The following IL7 variants were observed in gnomAD, a reference collection of about 807,000 sequenced individuals.
IL7 encodes interleukin 7.
In IL7, 3 loss-of-function variants were observed where a neutral mutation model predicts 21.6. The ratio of observed to expected loss-of-function variants is 0.14; its 90% CI spans 0.06 to 0.36. The LOEUF is 0.36. IL7 is among the 10% of genes least tolerant of loss of function. IL7 has a pLI of 1.00. For synonymous variants in IL7, 62 were observed against 68.1 expected, an observed-to-expected ratio of 0.91 and a Z score of 0.44; for missense variants, 175 against 200.2, an observed-to-expected ratio of 0.87 and a Z score of 0.76.
rs565101344 is a variant in IL7 at position 78,795,414 on chromosome 8, G to A, written c.147+2658C>T. Among the ~76,000 whole-genome samples, 25 of 152,150 alleles carry A rather than the reference G, an allele frequency of 1.6e-4. No homozygotes were observed. The South Asian group carries it at 4.6e-3, about 28-fold the overall frequency. On this transcript the variant is annotated intron_variant, in intron 2 of 5. Coordinates refer to ENST00000263851, the MANE Select transcript of IL7 (RefSeq NM_000880.4). The stretch of plus-strand genomic sequence containing the variant: ...CTACTCAGTTGGACTGATTAGCTGT[G>A]TTCTCTTCCATGTCTTGTGAATTAA...
chr8:78,727,083 G>A (rs537806654), intron 3 of IL7, among the ~76,000 whole-genome samples: 1 of 151,928 alleles, frequency 6.6e-6, no homozygotes, highest in African/African-American at 2.4e-5. Flanking sequence ...ACATCTGTGG[G>A]CCTCTATGCC....
intron 2 of IL7, among the ~76,000 whole-genome samples, chr8:78,757,199 A>C (rs1191336904): frequency 6.6e-6 from 1 of 151,776 alleles, no homozygotes; most frequent in Non-Finnish European, 1.5e-5. Context: ...CAGTTTCCAA[A>C]ATTTCTCTTA....
At chr8:78,731,405 G>A (rs1238995475), downstream of IL7, among the ~76,000 whole-genome samples, 3 of 151,844 alleles carry the variant, frequency 2.0e-5, no homozygotes, top group East Asian at 5.8e-4. Flanking sequence ...TTTTAGAAAT[G>A]CTATATTACT....
At chr8:78,741,931 C>G (rs1239562901) in intron 2 of IL7, among the ~76,000 whole-genome samples, 1 of 152,162 alleles carries the variant, frequency 6.6e-6, no homozygotes, top group East Asian at 1.9e-4. Flanking sequence ...AGATGGCCAT[C>G]TTTTGATTTA....
At chr8:78,695,719 T>G (rs943015881) in intron 3 of IL7, among the ~76,000 whole-genome samples, 7 of 152,200 alleles carry the variant, frequency 4.6e-5, no homozygotes, top group Non-Finnish European at 7.3e-5. Context: ...TTTTAAAAAA[T>G]CAGTATCATT....
chr8:78,770,770 C>G (rs558166143), intron 2 of IL7, among the ~76,000 whole-genome samples: 1 of 151,996 alleles, frequency 6.6e-6, no homozygotes, highest in African/African-American at 2.4e-5. Context: ...CAAATTATTT[C>G]CTTTTGCTTT....
intron 3 of IL7, among the ~76,000 whole-genome samples, chr8:78,704,165 TGA>T (rs1287416414): frequency 1.3e-5 from 2 of 152,080 alleles, no homozygotes; most frequent in Non-Finnish European, 2.9e-5. Context: ...GCGGATCACC[TGA>T]GGTCAGGAGT....
chr8:78,784,567 A>T lies in IL7; in HGVS notation c.147+13505T>A, dbSNP rs191088830. The stretch of plus-strand genomic sequence containing the variant: ...TTAAAATAACATTTAAGTTTTTTTT[A>T]ATGTAAACTATGTTCATTCACTCAG... On this transcript the variant is annotated intron_variant, in intron 2 of 5. Coordinates refer to ENST00000263851, the MANE Select transcript of IL7 (RefSeq NM_000880.4). 2.8e-3 allele frequency among the ~76,000 whole-genome samples: 429 copies of T among 152,216 alleles called. 2 individuals carry two copies. Among genetic ancestry groups the T allele is most frequent in the South Asian group, 7.5e-3 (36 of 4,822 alleles).
chr8:78,683,389 T>C (rs1809853615), intron 4 of IL7, among the ~76,000 whole-genome samples: 2 of 152,244 alleles, frequency 1.3e-5, no homozygotes, highest in South Asian at 4.1e-4. Context: ...ACCTCAACTC[T>C]TGATTTCTGT....
At position 78,678,422 on chromosome 8, in the gene IL7, G is replaced by C. The variant is rs868461608; in HGVS notation, n.274-2318C>G. ...ACTTAACATTTGGTTAAGGCAAGGT[G>C]TATCTTATTTATTTATTATTTTGTA... On this transcript the variant is annotated intron_variant and non_coding_transcript_variant, in intron 4 of 4. Coordinates refer to the IL7 transcript ENST00000523959. 4 of 649,768 alleles carry C rather than the reference G, an allele frequency of 6.2e-6. No homozygotes were observed. In the African/African-American group the frequency reaches 7.4e-5, roughly 12 times the overall value. 40.3% of individuals were successfully genotyped at this position (649,768 alleles called of 1,614,324 possible).
At position 78,721,222 on chromosome 8, in the gene IL7, G is replaced by A. The variant is rs537453751; in HGVS notation, n.361-87C>T. The A allele has an allele frequency of 2.8e-4, 42 of 152,112 alleles. 1 individual carries two copies. The highest frequency in any genetic ancestry group is 9.6e-4 in the African/African-American group (40 of 41,544). The allele number at this position is 152,112 out of a possible 1,614,324, so 9.4% of individuals were successfully genotyped here. ...TATCATGAAGATACCAAAAAGTGCGGCAGAAATATTAAAGAGGGAGCTTCT... is the reference window on the plus strand; with the variant it reads ...TATCATGAAGATACCAAAAAGTGCGACAGAAATATTAAAGAGGGAGCTTCT... On this transcript the variant is annotated intron_variant and non_coding_transcript_variant, in intron 4 of 6. Coordinates refer to the IL7 transcript ENST00000519833.
At chr8:78,781,814 T>G (rs970906540) in intron 2 of IL7, among the ~76,000 whole-genome samples, 1 of 152,194 alleles carries the variant, frequency 6.6e-6, no homozygotes, top group African/African-American at 2.4e-5. Context: ...AAAGCATGTT[T>G]TCCAAGTTAG....
At chr8:78,765,241 T>C (rs776982987) in intron 2 of IL7, among the ~76,000 whole-genome samples, 1 of 151,982 alleles carries the variant, frequency 6.6e-6, no homozygotes. Flanking sequence ...GAGAATGACA[T>C]AGGAGAAATT....
intron 2 of IL7, among the ~76,000 whole-genome samples, chr8:78,741,820 T>C (rs191835772): frequency 6.6e-6 from 1 of 152,320 alleles, no homozygotes; most frequent in East Asian, 1.9e-4. Context: ...ATCTATATGA[T>C]TGCCAATTAC....
intron 3 of IL7, among the ~76,000 whole-genome samples, chr8:78,693,092 T>C (rs1810267732): frequency 6.6e-6 from 1 of 152,112 alleles, no homozygotes; most frequent in Non-Finnish European, 1.5e-5. Context: ...TAGTATTCCA[T>C]GGTGTATATG....
Position 78,736,460 on chromosome 8 carries a change from A to G in IL7, c.414+14T>C, listed in dbSNP as rs760628684. 4 of 1,547,648 alleles carry G rather than the reference A, an allele frequency of 2.6e-6. No homozygotes were observed. Among genetic ancestry groups the G allele is most frequent in the Non-Finnish European group, 3.5e-6 (4 of 1,133,462 alleles). ...CCTGATGAACCATAAGGAAAATTAT[A>G]CAATTATTCTCACCAAACTCTTTGT... On this transcript the variant is annotated intron_variant, in intron 5 of 5. Transcript: ENST00000263851.
chr8:78,697,150 TA>T (rs1161363792), intron 3 of IL7, among the ~76,000 whole-genome samples: 1 of 152,206 alleles, frequency 6.6e-6, no homozygotes, highest in East Asian at 1.9e-4. Context: ...TCTTTCCAAT[TA>T]TTTTTTTACT....
chr8:78,713,738 G>A (rs1811016531), downstream of IL7, among the ~76,000 whole-genome samples: 1 of 152,158 alleles, frequency 6.6e-6, no homozygotes, highest in Non-Finnish European at 1.5e-5. Flanking sequence ...TGACAGCATT[G>A]TGTATTGAAT....
At chr8:78,706,684 G>A (rs750847321) in intron 3 of IL7, among the ~76,000 whole-genome samples, 1 of 152,222 alleles carries the variant, frequency 6.6e-6, no homozygotes, top group Non-Finnish European at 1.5e-5. Flanking sequence ...AGATGAAGGT[G>A]CTGTATTTAC....
Sources: allele counts gnomAD v4.1 joint callset (sites outside exome capture counted in the v4.1 genomes callset), GRCh38; gene constraint gnomAD v4.1.1; transcripts MANE v1.5; gene names NCBI Gene and HGNC (gene_info 2026-07-23, HGNC 2026-07-21).